Variants in TMTC3 observed in about 807,000 individuals in gnomAD.
The protein encoded by TMTC3 is transmembrane O-mannosyltransferase targeting cadherins 3.
TMTC3 carries 52 observed loss-of-function variants against 92.2 expected under a neutral mutation model. That is an observed-to-expected ratio of 0.56 (90% confidence interval 0.45 to 0.71). The LOEUF is 0.71. Among genes scored for constraint, TMTC3 ranks in the 30% least tolerant of loss-of-function variants. TMTC3 has a pLI of 0.00. For missense variants in TMTC3, 896 were observed against 1,057.1 expected (o/e 0.85, Z 2.11); for synonymous variants, 339 against 363.3 (o/e 0.93, Z 0.76).
At chr12:88,165,602 A>G (rs1565948822) in intron 6 of TMTC3, among the ~76,000 whole-genome samples, 1 of 152,066 alleles carries the variant, frequency 6.6e-6, no homozygotes, top group Non-Finnish European at 1.5e-5. Flanking sequence ...AGTACTATAT[A>G]TTATAACCAA....
chr12:88,196,175 G>T lies in TMTC3; in HGVS notation c.*526G>T, dbSNP rs2041509897. Reference sequence around the variant, plus strand: ...GTATTCCTTAGTTGAGTTTTAGAAGGAATGCTTGATGAAACATTTTAAAAT... The same window carrying T: ...GTATTCCTTAGTTGAGTTTTAGAAGTAATGCTTGATGAAACATTTTAAAAT... On this transcript the variant is annotated 3_prime_UTR_variant, in exon 14 of 14. Coordinates refer to ENST00000266712, the MANE Select transcript of TMTC3 (RefSeq NM_181783.4). 1 of 152,236 alleles carries T rather than the reference G, an allele frequency of 6.6e-6. No individual in the cohort carries two copies. Among genetic ancestry groups the T allele is most frequent in the Admixed American group, 6.6e-5 (1 of 15,252 alleles). The allele number at this position is 152,236 out of a possible 1,614,324, so 9.4% of individuals were successfully genotyped here. A position where few individuals can be genotyped will look rare whatever the true frequency, so the allele number is the denominator to read the frequency against.
At chr12:88,152,773 A>G (rs774288502) in intron 2 of TMTC3, among the ~76,000 whole-genome samples, 5 of 152,314 alleles carry the variant, frequency 3.3e-5, no homozygotes, top group Non-Finnish European at 7.4e-5. Flanking sequence ...CTAGTTTAAT[A>G]TATTCAGATT....
In TMTC3 at chr12:88,181,573, C is replaced by T. The variant is rs532637127; in HGVS notation, c.1432+5254C>T. Among the ~76,000 whole-genome samples, 44 of 152,062 alleles carry T rather than the reference C, an allele frequency of 2.9e-4. No homozygotes were observed. The East Asian group carries it at 7.2e-3, about 25-fold the overall frequency. On this transcript the variant is annotated intron_variant, in intron 10 of 13. Coordinates refer to ENST00000266712, the MANE Select transcript of TMTC3 (RefSeq NM_181783.4). ...AGTGGGCCAGGCAGTGAGCTGTGGG[C>T]TCGAGTATGTGTGTTAAAAATAGGA...
intron 13 of TMTC3, among the ~76,000 whole-genome samples, chr12:88,193,476 GT>G (rs2041466815): frequency 6.6e-6 from 1 of 151,910 alleles, no homozygotes; most frequent in African/African-American, 2.4e-5. Context: ...CTATTATAAT[GT>G]TTAGTTATTT....
chr12:88,178,181 G>C (rs2041279820), intron 10 of TMTC3, among the ~76,000 whole-genome samples: 1 of 152,112 alleles, frequency 6.6e-6, no homozygotes, highest in Non-Finnish European at 1.5e-5. Context: ...AAGGGCTAAA[G>C]GTAACCATGT....
chr12:88,195,147 A>G lies in TMTC3; in HGVS notation c.2243A>G (p.Asn748Ser). The G allele has an allele frequency of 6.2e-7, 1 of 1,613,870 alleles. No homozygotes were observed. Among genetic ancestry groups the G allele is most frequent in the Non-Finnish European group, 8.5e-7 (1 of 1,179,920 alleles). The change falls in exon 14 of 14, where the codon AAT becomes AGT. Residue 748 changes from asparagine to serine, a missense_variant. By Grantham distance (46) the Asn-to-Ser change is conservative. Transcript: ENST00000266712. ...ATTTTAAAAGGAGACATTCTGATGA[A>G]TCAAAAGAAAGATATACTAGGAGCA... ...GLILKGDILM[N>S]QKKDILGAKK...
intron 10 of TMTC3, among the ~76,000 whole-genome samples, chr12:88,177,106 A>G (rs1251826078): frequency 6.6e-6 from 1 of 152,054 alleles, no homozygotes; most frequent in Non-Finnish European, 1.5e-5. Flanking sequence ...TGGGCAGATC[A>G]CTTGAGGTCA....
chr12:88,166,174 A>AC (rs2041140735), intron 6 of TMTC3, among the ~76,000 whole-genome samples, 156 bp from the exon 7 acceptor site: 2 of 151,842 alleles, frequency 1.3e-5, no homozygotes, highest in Non-Finnish European at 2.9e-5. Context: ...GATAGTTTGA[A>AC]CTCTAGCAAG....
At chr12:88,161,100 T>C (rs1254147761) in intron 6 of TMTC3, among the ~76,000 whole-genome samples, 1 of 152,146 alleles carries the variant, frequency 6.6e-6, no homozygotes, top group African/African-American at 2.4e-5. Flanking sequence ...TTAAGGTTAG[T>C]GTTAATTTAG....
In TMTC3 at chr12:88,166,432, C is replaced by G; in HGVS notation, c.900C>G (p.Leu300=). ...GGTTGTTATTAAATCCTTCAGAGCT[C>G]TGCTGTGATTGGACCATGGGAACAA... ...NAWLLLNPSE[L]CCDWTMGTIP... Residue 300 remains leucine (L), a synonymous_variant, in exon 7 of 14, where the codon CTC becomes CTG. Transcript: ENST00000266712. The G allele has an allele frequency of 6.2e-7, 1 of 1,613,936 alleles. No homozygotes were observed. The highest frequency in any genetic ancestry group is 8.5e-7 in the Non-Finnish European group (1 of 1,179,950).
At position 88,186,896 on chromosome 12, in the gene TMTC3, C is replaced by T. The variant is rs569043653; in HGVS notation, c.1433-1947C>T. ...CTGAAGTCTACATTAATGACAATAT[C>T]TCCTGGCCTTAATTCTAAGAGCATG... On this transcript the variant is annotated intron_variant, in intron 10 of 13. Transcript: ENST00000266712. Among the ~76,000 whole-genome samples, 7 of 152,178 alleles carry T rather than the reference C, an allele frequency of 4.6e-5. No individual in the cohort carries two copies. The South Asian group carries it at 1.5e-3, about 32-fold the overall frequency.
At chr12:88,189,193 A>C (rs2041412809) in intron 11 of TMTC3, among the ~76,000 whole-genome samples, 3 of 150,840 alleles carry the variant, frequency 2.0e-5, no homozygotes. Context: ...TCCCAGGTTT[A>C]AGTGATTCTT....
At position 88,153,290 on chromosome 12, in the gene TMTC3, G is replaced by C; in HGVS notation, c.190-1G>C. 1 of 1,603,058 alleles carries C rather than the reference G, an allele frequency of 6.2e-7. No individual in the cohort carries two copies. Among genetic ancestry groups the C allele is most frequent in the Non-Finnish European group, 8.5e-7 (1 of 1,175,580 alleles). ...AATCACTGATCGTTTTTTCCTTGTA[G>C]GAGAGAAGCCACAAGTCTTACCGTC... On this transcript the variant is annotated splice_acceptor_variant, in intron 2 of 13. Coordinates refer to ENST00000266712, the MANE Select transcript of TMTC3 (RefSeq NM_181783.4). LOFTEE classifies it high-confidence loss of function.
chr12:88,159,815 C>T (rs2041054995), intron 4 of TMTC3, among the ~76,000 whole-genome samples: 2 of 152,098 alleles, frequency 1.3e-5, no homozygotes, highest in South Asian at 4.1e-4. Context: ...AATTATGACA[C>T]ACAAACCTGT....
At chr12:88,169,428 A>G (rs1034428797) in intron 7 of TMTC3, among the ~76,000 whole-genome samples, 1 of 152,172 alleles carries the variant, frequency 6.6e-6, no homozygotes, top group African/African-American at 2.4e-5. Context: ...TTAAATGTAT[A>G]TAAAAATGGA....
At chr12:88,151,714 C>T (rs2040945141) in intron 2 of TMTC3, among the ~76,000 whole-genome samples, 1 of 152,190 alleles carries the variant, frequency 6.6e-6, no homozygotes, top group African/African-American at 2.4e-5. Context: ...TACATCCTTT[C>T]ACCTAGAATA....
chr12:88,146,108 G>A (rs1459546075), intron 1 of TMTC3, among the ~76,000 whole-genome samples: 5 of 152,078 alleles, frequency 3.3e-5, no homozygotes, highest in Non-Finnish European at 4.4e-5. Context: ...TCAGGTCCCC[G>A]TCTGCCTATG....
chr12:88,174,766 A>G (rs548521338), intron 9 of TMTC3, 39 bp downstream of exon 9: 1 of 1,607,556 alleles, frequency 6.2e-7, no homozygotes, highest in South Asian at 1.1e-5. Flanking sequence ...GTATGTCATC[A>G]GTGATTTCTT....
At chr12:88,167,186 G>A (rs1592734262) in intron 7 of TMTC3, among the ~76,000 whole-genome samples, 1 of 151,994 alleles carries the variant, frequency 6.6e-6, no homozygotes, top group African/African-American at 2.4e-5. Context: ...TTTGAGGCCA[G>A]GAGTTTGAGA....
Sources: allele counts gnomAD v4.1 joint callset (sites outside exome capture counted in the v4.1 genomes callset), GRCh38; gene constraint gnomAD v4.1.1; transcripts MANE v1.5; gene names NCBI Gene and HGNC (gene_info 2026-07-23, HGNC 2026-07-21).